Variants in TTLL5 observed in about 807,000 individuals in gnomAD.
TTLL5 encodes the protein tubulin polyglutamylase TTLL5.
In TTLL5, 132 loss-of-function variants were observed where a neutral mutation model predicts 168.4. That is an observed-to-expected ratio of 0.78 (90% confidence interval 0.68 to 0.91). The LOEUF (loss-of-function observed/expected upper bound fraction) is 0.91, where lower values mean the gene tolerates loss of function less well. Ranked by LOEUF, TTLL5 falls within the 40% of genes least tolerant of loss-of-function variation. The probability of loss-of-function intolerance (pLI) is 0.00; values close to 1 mark genes in which losing one functional copy is unlikely to be tolerated. For synonymous variants in TTLL5, 546 were observed against 558.6 expected, an observed-to-expected ratio of 0.98 and a Z score of 0.32; for missense variants, 1,545 against 1,581.5, an observed-to-expected ratio of 0.98 and a Z score of 0.39.
At chr14:75,688,966 T>G (rs10147492) in intron 5 of TTLL5, among the ~76,000 whole-genome samples, 90,526 of 152,092 alleles carry the variant, frequency 0.6, 28,490 homozygotes, top group Non-Finnish European at 0.7. Context: ...TCAAAAGGTT[T>G]AACTTAATTT....
At chr14:75,902,284 C>A in intron 31 of TTLL5, 60 bp downstream of exon 31, 1 of 1,542,826 alleles carries the variant, frequency 6.5e-7, no homozygotes. Flanking sequence ...TTGGGCTTGG[C>A]ACATTCTCTC....
intron 28 of TTLL5, among the ~76,000 whole-genome samples, chr14:75,830,422 A>G (rs1220775446): frequency 6.6e-6 from 1 of 152,192 alleles, no homozygotes; most frequent in Non-Finnish European, 1.5e-5. Context: ...GAAAATCACT[A>G]AGAGAGTAGA....
intron 28 of TTLL5, 88 bp from the exon 29 acceptor site, chr14:75,863,579 G>T: frequency 1.5e-6 from 2 of 1,316,702 alleles, no homozygotes; most frequent in Non-Finnish European, 2.1e-6. Flanking sequence ...GTTCCATATT[G>T]GAAAAATACC....
At chr14:75,753,033 C>A in intron 18 of TTLL5, 78 bp downstream of exon 18, 2 of 1,390,298 alleles carry the variant, frequency 1.4e-6, no homozygotes, top group Non-Finnish European at 2.0e-6. Flanking sequence ...AGGAAACAGA[C>A]CTTATAAAAG....
chr14:75,721,171 T>A (rs890941622), intron 12 of TTLL5, among the ~76,000 whole-genome samples: 1 of 152,122 alleles, frequency 6.6e-6, no homozygotes, highest in Non-Finnish European at 1.5e-5. Context: ...CCATTCCTCT[T>A]CCACTTTCTT....
At chr14:75,691,747 A>G (rs946596485) in intron 6 of TTLL5, among the ~76,000 whole-genome samples, 1 of 152,214 alleles carries the variant, frequency 6.6e-6, no homozygotes, top group Non-Finnish European at 1.5e-5. Context: ...GAAAGATACT[A>G]TTTCTGTTTT....
At chr14:75,863,926 A>AAAAAAAAAAAAAAAAAG (rs1325156608) in intron 29 of TTLL5, 64 bp downstream of exon 29, 60 of 1,257,838 alleles carry the variant, frequency 4.8e-5, no homozygotes, top group Admixed American at 2.6e-4. Flanking sequence ...AAAAAAAAAA[A>AAAAAAAAAAAAAAAAAG]AAAAAAAAGG....
At chr14:75,858,629 C>A (rs1897252598) in intron 28 of TTLL5, among the ~76,000 whole-genome samples, 1 of 152,156 alleles carries the variant, frequency 6.6e-6, no homozygotes, top group Non-Finnish European at 1.5e-5. Flanking sequence ...TCAAAGAATA[C>A]AACTGACAGT....
At chr14:75,752,988 A>C in intron 18 of TTLL5, 33 bp downstream of exon 18, 1 of 1,580,688 alleles carries the variant, frequency 6.3e-7, no homozygotes, top group Middle Eastern at 1.7e-4. Flanking sequence ...ATTTAGGACT[A>C]GATCACAAGA....
chr14:75,863,933 A>AAAAAAAAAAC, intron 29 of TTLL5, 71 bp downstream of exon 29: 2 of 1,268,264 alleles, frequency 1.6e-6, no homozygotes, highest in Non-Finnish European at 1.0e-6. Flanking sequence ...AAAAAAAAAA[A>AAAAAAAAAAC]AGGTCAGTGA....
chr14:75,754,051 C>T (rs1176572267), intron 18 of TTLL5, among the ~76,000 whole-genome samples: 1 of 151,966 alleles, frequency 6.6e-6, no homozygotes, highest in Non-Finnish European at 1.5e-5. Flanking sequence ...TTTGGTTTTG[C>T]TTCTTAGCCT....
chr14:75,920,235 C>T (rs1336421804), intron 31 of TTLL5, among the ~76,000 whole-genome samples: 1 of 152,176 alleles, frequency 6.6e-6, no homozygotes, highest in Non-Finnish European at 1.5e-5. Context: ...AGAATATATA[C>T]AGACCTCTTG....
intron 31 of TTLL5, among the ~76,000 whole-genome samples, chr14:75,944,613 A>T (rs2034711576): frequency 6.6e-6 from 1 of 152,240 alleles, no homozygotes; most frequent in Admixed American, 6.5e-5. Flanking sequence ...TACAGTAGGT[A>T]GTCAGACATG....
At chr14:75,791,049 T>C (rs961219777) in intron 26 of TTLL5, among the ~76,000 whole-genome samples, 5 of 132,480 alleles carry the variant, frequency 3.8e-5, no homozygotes, top group Non-Finnish European at 7.7e-5. Flanking sequence ...GAGCTTGCAG[T>C]GAGCCAAGAT....
intron 28 of TTLL5, among the ~76,000 whole-genome samples, chr14:75,855,520 A>C (rs1897087907): frequency 6.6e-6 from 1 of 152,342 alleles, no homozygotes; most frequent in South Asian, 2.1e-4. Context: ...AACTTGCCCC[A>C]AAATCTGCAG....
At chr14:75,683,890 C>T (rs2140123249) in intron 5 of TTLL5, 1 of 365,610 alleles carries the variant, frequency 2.7e-6, no homozygotes, top group Middle Eastern at 9.0e-4. Flanking sequence ...TCTCCTGCCT[C>T]AGCCTACCCA....
At chr14:75,807,225 A>G (rs978323506) in intron 27 of TTLL5, among the ~76,000 whole-genome samples, 3 of 152,194 alleles carry the variant, frequency 2.0e-5, no homozygotes, top group African/African-American at 7.2e-5. Context: ...AGGTGGGTGG[A>G]TCGCTTGAGC....
At chr14:75,871,054 CA>C (rs1422217007) in intron 29 of TTLL5, among the ~76,000 whole-genome samples, 1 of 152,184 alleles carries the variant, frequency 6.6e-6, no homozygotes, top group Non-Finnish European at 1.5e-5. Flanking sequence ...CTCGGCCTCC[CA>C]AAGTGCTGGG....
chr14:75,817,824 T>C (rs1193451066), intron 27 of TTLL5, among the ~76,000 whole-genome samples: 2 of 146,748 alleles, frequency 1.4e-5, no homozygotes, highest in Non-Finnish European at 3.0e-5. Flanking sequence ...TCTTTTCTTT[T>C]CTTTTCTTTT....
Sources: allele counts gnomAD v4.1 joint callset (sites outside exome capture counted in the v4.1 genomes callset), GRCh38; gene constraint gnomAD v4.1.1; transcripts MANE v1.5; gene names NCBI Gene and HGNC (gene_info 2026-07-23, HGNC 2026-07-21).